Variants in PTPRQ observed in about 807,000 individuals in gnomAD.
PTPRQ encodes the protein phosphatidylinositol phosphatase PTPRQ.
PTPRQ carries 199 observed loss-of-function variants against 246.0 expected under a neutral mutation model. The ratio of observed to expected loss-of-function variants is 0.81; its 90% CI spans 0.72 to 0.91. The LOEUF (loss-of-function observed/expected upper bound fraction) is 0.91, where lower values mean the gene tolerates loss of function less well. PTPRQ is among the 40% of genes least tolerant of loss of function. PTPRQ has a pLI of 0.00. For synonymous variants in PTPRQ, 869 were observed against 853.2 expected, an observed-to-expected ratio of 1.02 and a Z score of -0.32; for missense variants, 2,624 against 2,528.4, an observed-to-expected ratio of 1.04 and a Z score of -0.81.
chr12:80,521,665 A>T (rs1895493744), intron 17 of PTPRQ, among the ~76,000 whole-genome samples: 1 of 152,074 alleles, frequency 6.6e-6, no homozygotes, highest in Non-Finnish European at 1.5e-5. Flanking sequence ...CAAAGATCAG[A>T]TAGTTGTAGA....
intron 33 of PTPRQ, among the ~76,000 whole-genome samples, chr12:80,629,150 T>G: frequency 7.1e-6 from 1 of 140,780 alleles, no homozygotes; most frequent in African/African-American, 3.0e-5. Flanking sequence ...AAGGAGTGAG[T>G]GGCACACACA....
chr12:80,670,202 T>C, intron 41 of PTPRQ, 142 bp from the exon 42 acceptor site: 1 of 1,216,666 alleles, frequency 8.2e-7, no homozygotes, highest in Non-Finnish European at 1.1e-6. Flanking sequence ...ATCTCTCTTA[T>C]AGGAAATAAT....
At chr12:80,481,602 A>T (rs1894060755) in intron 8 of PTPRQ, among the ~76,000 whole-genome samples, 1 of 152,126 alleles carries the variant, frequency 6.6e-6, no homozygotes, top group Non-Finnish European at 1.5e-5. Context: ...CTTGCAGATG[A>T]CATGATTGTA....
intron 33 of PTPRQ, among the ~76,000 whole-genome samples, chr12:80,622,466 G>A (rs984624578): frequency 1.3e-5 from 2 of 151,838 alleles, no homozygotes; most frequent in Non-Finnish European, 2.9e-5. Flanking sequence ...TAGTGGTGGT[G>A]GTGCATGCTA....
At chr12:80,478,622 C>T (rs549322228) in intron 8 of PTPRQ, among the ~76,000 whole-genome samples, 1 of 152,040 alleles carries the variant, frequency 6.6e-6, no homozygotes, top group Non-Finnish European at 1.5e-5. Context: ...AAGTTGAAAA[C>T]TGTGAAAAAA....
chr12:80,489,792 A>G (rs1047745821), intron 9 of PTPRQ, among the ~76,000 whole-genome samples: 1 of 151,998 alleles, frequency 6.6e-6, no homozygotes, highest in Non-Finnish European at 1.5e-5. Flanking sequence ...CCCTGAAGTC[A>G]TTTCCGTGGA....
At chr12:80,608,615 G>T (rs1288527827) in intron 27 of PTPRQ, among the ~76,000 whole-genome samples, 2 of 130,630 alleles carry the variant, frequency 1.5e-5, no homozygotes, top group African/African-American at 3.0e-5. Flanking sequence ...AAATTTATAA[G>T]ATCAAACCCA....
intron 3 of PTPRQ, among the ~76,000 whole-genome samples, chr12:80,453,252 T>G (rs1892838690): frequency 6.6e-6 from 1 of 152,196 alleles, no homozygotes; most frequent in Admixed American, 6.5e-5. Flanking sequence ...TTCGTTATTC[T>G]AGTTATACAT....
intron 26 of PTPRQ, among the ~76,000 whole-genome samples, chr12:80,602,144 G>A (rs539103622): frequency 2.2e-4 from 34 of 151,804 alleles, no homozygotes; most frequent in Admixed American, 8.6e-4. Context: ...AGTACAAATA[G>A]GAAGAGTATC....
At chr12:80,487,353 A>G (rs1894310707) in intron 9 of PTPRQ, among the ~76,000 whole-genome samples, 1 of 152,118 alleles carries the variant, frequency 6.6e-6, no homozygotes, top group Admixed American at 6.6e-5. Context: ...CAGGGCACCC[A>G]TAAGGTCTGT....
chr12:80,630,698 C>T (rs1176585573), intron 33 of PTPRQ, among the ~76,000 whole-genome samples: 1 of 152,094 alleles, frequency 6.6e-6, no homozygotes, highest in Non-Finnish European at 1.5e-5. Context: ...TCAACTATTT[C>T]GTTAGAAATA....
chr12:80,459,630 T>C (rs548616669), intron 5 of PTPRQ, 147 bp downstream of exon 5: 5 of 394,410 alleles, frequency 1.3e-5, no homozygotes, highest in Non-Finnish European at 2.2e-5. Flanking sequence ...AACGTTTTAT[T>C]ATTTGATTAC....
chr12:80,496,341 G>T lies in PTPRQ; in HGVS notation c.2082G>T (p.Gly694=), dbSNP rs758091640. 6.4e-7 allele frequency: 1 copy of T among 1,550,692 alleles called. No individual in the cohort carries two copies. The highest frequency in any genetic ancestry group is 1.2e-5 in the South Asian group (1 of 83,932). Residue 694 remains glycine (G), a synonymous_variant, in exon 14 of 45, where the codon GGG becomes GGT. Transcript: ENST00000644991. ...GGTCACCACCCGAAAAGCCCAATGG[G>T]ATCATTATTGCTTATGAAGTGCTAT... ...LKWSPPEKPN[G]IIIAYEVLYK...
chr12:80,534,652 G>A (rs1292600886), intron 18 of PTPRQ, among the ~76,000 whole-genome samples: 1 of 151,940 alleles, frequency 6.6e-6, no homozygotes, highest in African/African-American at 2.4e-5. Flanking sequence ...GTTTTAGAAC[G>A]GAGATAGTAT....
At chr12:80,677,258 G>T (rs921409052) in intron 43 of PTPRQ, among the ~76,000 whole-genome samples, 1 of 152,084 alleles carries the variant, frequency 6.6e-6, no homozygotes, top group African/African-American at 2.4e-5. Flanking sequence ...TGTCAATAAT[G>T]TAATTCACTG....
chr12:80,445,814 A>G lies in PTPRQ; in HGVS notation c.390+97A>G, dbSNP rs1038835687. On this transcript the variant is annotated intron_variant, in intron 3 of 44. Coordinates refer to ENST00000644991, the MANE Select transcript of PTPRQ (RefSeq NM_001145026.2). Reference sequence around the variant, plus strand: ...CACCTTGTCAAGCCTTTACAGCTGAATACAGTCAGTGACTGACAACGTTCA... The same window carrying G: ...CACCTTGTCAAGCCTTTACAGCTGAGTACAGTCAGTGACTGACAACGTTCA... The G allele has an allele frequency of 2.9e-5, 23 of 804,566 alleles. No individual in the cohort carries two copies. The South Asian group carries it at 3.4e-4, about 12-fold the overall frequency. The allele number at this position is 804,566 out of a possible 1,614,324, so 49.8% of individuals were successfully genotyped here.
intron 17 of PTPRQ, among the ~76,000 whole-genome samples, chr12:80,525,439 A>G (rs1037431812): frequency 1.3e-5 from 2 of 152,128 alleles, no homozygotes; most frequent in Non-Finnish European, 2.9e-5. Flanking sequence ...GTATAATGGC[A>G]CAGGATAAAA....
intron 25 of PTPRQ, among the ~76,000 whole-genome samples, chr12:80,563,211 A>G (rs1896877692): frequency 6.6e-6 from 1 of 152,178 alleles, no homozygotes; most frequent in Non-Finnish European, 1.5e-5. Context: ...TGGAAGCTGG[A>G]AAGTCCAACA....
intron 34 of PTPRQ, among the ~76,000 whole-genome samples, chr12:80,633,216 G>GTT (rs781043562): frequency 4.6e-5 from 7 of 152,190 alleles, no homozygotes; most frequent in Admixed American, 6.5e-5. Context: ...AAAGTAATTT[G>GTT]TAACTCTTAT....
Sources: allele counts gnomAD v4.1 joint callset (sites outside exome capture counted in the v4.1 genomes callset), GRCh38; gene constraint gnomAD v4.1.1; transcripts MANE v1.5; gene names NCBI Gene and HGNC (gene_info 2026-07-23, HGNC 2026-07-21).